IQCK: variants seen among roughly 807,000 people sequenced by gnomAD.
The protein encoded by IQCK is IQ motif containing K, also known as IQ domain-containing protein K.
Under a neutral mutation model 28.1 loss-of-function variants are expected in IQCK, and 29 were observed. That is an observed-to-expected ratio of 1.03 (90% CI 0.77 to 1.41). IQCK has a LOEUF of 1.41. Among genes scored for constraint, IQCK ranks in the 40% most tolerant of loss-of-function variants. The pLI, the probability that IQCK is intolerant of heterozygous loss-of-function variation, is 0.00. For missense variants in IQCK, 359 were observed against 314.7 expected (o/e 1.14, Z -1.07); for synonymous variants, 113 against 115.1 (o/e 0.98, Z 0.12).
At chr16:19,823,830 G>C (rs978325047) in intron 7 of IQCK, among the ~76,000 whole-genome samples, 1 of 152,148 alleles carries the variant, frequency 6.6e-6, no homozygotes, top group Non-Finnish European at 1.5e-5. Flanking sequence ...CTACTCGTGA[G>C]GCTGAGGCAG....
chr16:19,789,439 C>T (rs936554329), intron 7 of IQCK, among the ~76,000 whole-genome samples: 1 of 63,558 alleles, frequency 1.6e-5, no homozygotes, highest in African/African-American at 1.1e-4. Context: ...AAAAAAAACA[C>T]AAAGACTTTT....
At position 19,726,077 on chromosome 16, in the gene IQCK, G is replaced by A. The variant is rs186812525; in HGVS notation, c.182-4353G>A. Among the ~76,000 whole-genome samples the A allele has an allele frequency of 3.8e-3, 584 of 151,960 alleles. 3 individuals carry two copies. The highest frequency in any genetic ancestry group is 0.013 in the African/African-American group (535 of 41,434). ...ACTACAGGCGCCCGCCACCACTCCC[G>A]GCTAAGTTTTGTATTTTTAGTAGAG... On this transcript the variant is annotated intron_variant, in intron 1 of 7. Coordinates refer to ENST00000564186, the Ensembl canonical transcript of IQCK.
intron 9 of IQCK, among the ~76,000 whole-genome samples, chr16:19,835,156 A>G (rs1196765743): frequency 6.6e-6 from 1 of 152,072 alleles, no homozygotes; most frequent in Non-Finnish European, 1.5e-5. Flanking sequence ...AGTCCCAGCT[A>G]CTTGGAAGGC....
chr16:19,792,626 C>T lies in IQCK; in HGVS notation c.690+3704C>T, dbSNP rs1451673426. ...TGCTCTTGTTGCCCATGCTGGAGTG[C>T]GGTGGCGTGATCTCAGCTCACTGCA... On this transcript the variant is annotated intron_variant, in intron 7 of 7. Coordinates refer to ENST00000564186, the Ensembl canonical transcript of IQCK. 1.8e-4 allele frequency among the ~76,000 whole-genome samples: 16 copies of T among 90,044 alleles called. 3 individuals carry two copies. Among genetic ancestry groups the T allele is most frequent in the African/African-American group, 3.9e-4 (3 of 7,644 alleles). 59.1% of individuals were successfully genotyped at this position (90,044 alleles called of 152,430 possible). A position where few individuals can be genotyped will look rare whatever the true frequency, so the allele number is the denominator to read the frequency against.
At chr16:19,730,881 C>T (rs531751046) in intron 2 of IQCK, among the ~76,000 whole-genome samples, 71 of 152,178 alleles carry the variant, frequency 4.7e-4, no homozygotes, top group Non-Finnish European at 8.7e-4. Context: ...CTACAGGCAC[C>T]CGCCACCGTG....
chr16:19,749,812 T>C lies in IQCK; in HGVS notation c.475-14036T>C, dbSNP rs192564477. Reference sequence around the variant, plus strand: ...AAAGAAAAAGTGTGCCAATTCATGCTTTGAAGTCCTGGAACTATCCATATT... The same window carrying C: ...AAAGAAAAAGTGTGCCAATTCATGCCTTGAAGTCCTGGAACTATCCATATT... On this transcript the variant is annotated intron_variant, in intron 4 of 7. Coordinates refer to ENST00000564186, the Ensembl canonical transcript of IQCK. Among the ~76,000 whole-genome samples the C allele has an allele frequency of 9.5e-4, 144 of 152,198 alleles. No homozygotes were observed. In the Middle Eastern group the frequency reaches 0.01, roughly 11 times the overall value.
chr16:19,748,072 CTTTT>C (rs61573221), intron 4 of IQCK, among the ~76,000 whole-genome samples: 5 of 117,204 alleles, frequency 4.3e-5, no homozygotes, highest in African/African-American at 1.0e-4. Context: ...GGCTCAAATT[CTTTT>C]TTTTTTTTTT....
At chr16:19,810,148 G>A (rs1389708139) in intron 7 of IQCK, among the ~76,000 whole-genome samples, 2 of 152,050 alleles carry the variant, frequency 1.3e-5, no homozygotes, top group African/African-American at 4.8e-5. Context: ...GCTACAGTAT[G>A]CACAAGTTTA....
chr16:19,779,883 A>G (rs1168080370), intron 6 of IQCK, among the ~76,000 whole-genome samples: 3 of 150,758 alleles, frequency 2.0e-5, no homozygotes, highest in African/African-American at 7.3e-5. Context: ...ACGCCTGGCT[A>G]ATTTTTTGTA....
intron 6 of IQCK, among the ~76,000 whole-genome samples, chr16:19,776,738 G>C (rs2055401203): frequency 6.6e-6 from 1 of 152,024 alleles, no homozygotes; most frequent in South Asian, 2.1e-4. Context: ...AACAAAAAAC[G>C]ATCTGCCACG....
chr16:19,746,101 A>G (rs1026146384), intron 4 of IQCK, among the ~76,000 whole-genome samples: 1 of 146,476 alleles, frequency 6.8e-6, no homozygotes, highest in African/African-American at 2.5e-5. Context: ...CCCAGGAGGC[A>G]GGGTTGCAGT....
chr16:19,752,268 C>T (rs981632072), intron 4 of IQCK, among the ~76,000 whole-genome samples: 1 of 152,208 alleles, frequency 6.6e-6, no homozygotes, highest in Non-Finnish European at 1.5e-5. Context: ...GGCTCAGTGG[C>T]TACATTGCAA....
intron 1 of IQCK, among the ~76,000 whole-genome samples, chr16:19,719,073 G>A (rs773883709): frequency 4.6e-5 from 7 of 152,162 alleles, no homozygotes; most frequent in Non-Finnish European, 7.3e-5. Context: ...TTGTTACTTA[G>A]GTTGGGCAAA....
intron 6 of IQCK, among the ~76,000 whole-genome samples, chr16:19,776,341 C>T (rs2055394594): frequency 6.6e-6 from 1 of 152,112 alleles, no homozygotes; most frequent in African/African-American, 2.4e-5. Context: ...CTCTACTTCC[C>T]CTTCTGTCAC....
chr16:19,829,727 C>T (rs1044980113), downstream of IQCK, among the ~76,000 whole-genome samples: 1 of 152,148 alleles, frequency 6.6e-6, no homozygotes, highest in African/African-American at 2.4e-5. Context: ...CCTGTGCTCT[C>T]GGCTCTGGGC....
intron 4 of IQCK, among the ~76,000 whole-genome samples, chr16:19,757,382 C>T (rs1436593175): frequency 1.3e-5 from 2 of 152,256 alleles, no homozygotes; most frequent in South Asian, 4.1e-4. Context: ...TGTTAATTTC[C>T]TCATTTTCGG....
downstream of IQCK, among the ~76,000 whole-genome samples, chr16:19,830,524 A>G (rs2056217711): frequency 6.6e-6 from 1 of 152,208 alleles, no homozygotes; most frequent in Non-Finnish European, 1.5e-5. Context: ...ACACCTCTTC[A>G]GTAAATACCC....
At chr16:19,723,020 T>G (rs1357455406) in intron 1 of IQCK, among the ~76,000 whole-genome samples, 1 of 152,108 alleles carries the variant, frequency 6.6e-6, no homozygotes. Context: ...CCTGCTTCCC[T>G]TTCACTTTCC....
chr16:19,768,865 A>T (rs1460510430), intron 6 of IQCK, among the ~76,000 whole-genome samples: 1 of 152,226 alleles, frequency 6.6e-6, no homozygotes, highest in African/African-American at 2.4e-5. Context: ...TTAGTGGCTT[A>T]AAGTCATAAA....
Sources: allele counts gnomAD v4.1 joint callset (sites outside exome capture counted in the v4.1 genomes callset), GRCh38; gene constraint gnomAD v4.1.1; transcripts MANE v1.5; gene names NCBI Gene and HGNC (gene_info 2026-07-23, HGNC 2026-07-21).